GPR135: variants seen among roughly 807,000 people sequenced by gnomAD.
The protein encoded by GPR135 is G-protein coupled receptor 135.
GPR135 carries 17 observed loss-of-function variants against 15.0 expected under a neutral mutation model. The ratio of observed to expected loss-of-function variants is 1.13; its 90% CI spans 0.78 to 1.70. The LOEUF is 1.70. GPR135 is among the 40% of genes most tolerant of loss of function. GPR135 has a pLI of 0.00. For synonymous variants in GPR135, 368 were observed against 349.4 expected (o/e 1.05, Z -0.59); for missense variants, 776 against 727.0 (o/e 1.07, Z -0.78).
Position 59,464,873 on chromosome 14 carries a change from G to A in GPR135, c.354C>T (p.Ser118=). Residue 118 remains serine (S), a synonymous_variant, in exon 1 of 1, where the codon AGC becomes AGT. Coordinates refer to ENST00000395116, the MANE Select transcript of GPR135 (RefSeq NM_022571.6). ...LVLLLIFLLS[S]LGNCAVMGVI... The stretch of plus-strand genomic sequence containing the variant: ...CCCCCATCACCGCGCAGTTGCCAAG[G>A]CTAGACAGCAGGAAGATGAGCAGGA... 1.2e-6 allele frequency: 2 copies of A among 1,606,406 alleles called. No homozygotes were observed. The highest frequency in any genetic ancestry group is 1.7e-6 in the Non-Finnish European group (2 of 1,177,044).
Position 59,464,309 on chromosome 14 carries a change from C to T in GPR135, c.918G>A (p.Leu306=), listed in dbSNP as rs769764338. 1 of 1,611,626 alleles carries T rather than the reference C, an allele frequency of 6.2e-7. No homozygotes were observed. The highest frequency in any genetic ancestry group is 1.1e-5 in the South Asian group (1 of 90,964). The change falls in exon 1 of 1, where the codon CTG becomes CTA. Residue 306 remains leucine (L), a synonymous_variant. Coordinates refer to ENST00000395116, the MANE Select transcript of GPR135 (RefSeq NM_022571.6). ...CHYHICKTVR[L]SDVRVRPVNT... ...TCACCGGCCGCACGCGCACGTCCGA[C>T]AGGCGCACCGTCTTGCAGATGTGGT...
rs553482475 is a variant in GPR135, at chr14:59,464,610, G to A, written c.617C>T (p.Ser206Leu). The change falls in exon 1 of 1, where the codon TCG becomes TTG. Residue 206 changes from serine to leucine, a missense_variant. Ser to Leu is a moderately radical substitution (Grantham distance 145, BLOSUM62 -2). Transcript: ENST00000395116. ...CACGATAGCGCAGTAACGGTCCAAC[G>A]AGATGAGCGCCACGCTGAGCGTGGA... ...IVSTLSVALISLDRYCAIVRP... is the reference protein window; with the variant it reads ...IVSTLSVALILLDRYCAIVRP... 6.3e-6 allele frequency: 10 copies of A among 1,596,818 alleles called. No homozygotes were observed. Among genetic ancestry groups the A allele is most frequent in the South Asian group, 2.2e-5 (2 of 90,626 alleles).
In GPR135 at chr14:59,464,448, T is replaced by C. The variant is rs757418545; in HGVS notation, c.779A>G (p.His260Arg). ...CGGGGAGGTCCGGTAGAGGCAGCCG[T>C]GGAAGCTCTGCGCCGCCGCGAGTTC... ...PRELAAAQSF[H>R]GCLYRTSPDP... The change falls in exon 1 of 1, where the codon CAC becomes CGC. Residue 260 changes from histidine to arginine, a missense_variant. Physicochemically the swap from His to Arg is conservative, Grantham distance 29 (BLOSUM62 0). Coordinates refer to ENST00000395116, the MANE Select transcript of GPR135 (RefSeq NM_022571.6). The C allele has an allele frequency of 1.9e-6, 3 of 1,559,686 alleles. No individual in the cohort carries two copies. In the Admixed American group the frequency reaches 5.6e-5, roughly 29 times the overall value.
downstream of GPR135, chr14:59,460,303 C>CT (rs1888808482): frequency 6.6e-6 from 1 of 152,192 alleles, no homozygotes; most frequent in African/African-American, 2.4e-5. Flanking sequence ...AAAATAACTG[C>CT]TCAGAAACCC....
chr14:59,463,833 G>A lies in GPR135; in HGVS notation c.1394C>T (p.Pro465Leu). The change falls in exon 1 of 1, where the codon CCA becomes CTA. Residue 465 changes from proline to leucine, a missense_variant. Transcript: ENST00000395116. ...GDVAMWARKN[P>L]VVLFCREGPP... ...TCCCTCTCGGCAGAAAAGTACAACT[G>A]GATTTTTGCGGGCCCACATGGCCAC... 2 of 1,614,224 alleles carry A rather than the reference G, an allele frequency of 1.2e-6. No individual in the cohort carries two copies. Among genetic ancestry groups the A allele is most frequent in the Non-Finnish European group, 1.7e-6 (2 of 1,180,048 alleles).
In GPR135 at chr14:59,463,596, A is replaced by T. The variant is rs769542330; in HGVS notation, c.*146T>A. 20 of 739,796 alleles carry T rather than the reference A, an allele frequency of 2.7e-5. No individual in the cohort carries two copies. Among genetic ancestry groups the T allele is most frequent in the Non-Finnish European group, 3.8e-5 (18 of 469,440 alleles). 45.8% of individuals were successfully genotyped at this position (739,796 alleles called of 1,614,324 possible). A position where few individuals can be genotyped will look rare whatever the true frequency, so the allele number is the denominator to read the frequency against. On this transcript the variant is annotated 3_prime_UTR_variant, in exon 1 of 1. Coordinates refer to ENST00000395116, the MANE Select transcript of GPR135 (RefSeq NM_022571.6). ...TTTTGAAGAAGGGACATTGTCTTTT[A>T]TGTTGTTTGGGGAAAGTGGTAAGCC... is the stretch of plus-strand genomic sequence containing the variant.
rs779740853 is a variant in GPR135, at chr14:59,464,024, G to A, written c.1203C>T (p.Asn401=). The change falls in exon 1 of 1, where the codon AAC becomes AAT. Residue 401 remains asparagine (N), a synonymous_variant. Coordinates refer to ENST00000395116, the MANE Select transcript of GPR135 (RefSeq NM_022571.6). ...NPNISMLLGR[N]REEGYRTRNV... is the part of the protein sequence containing the mutation. ...TCCTAGTCCGGTAGCCCTCCTCGCG[G>A]TTGCGCCCTAGGAGCATCGAAATGT... is the stretch of plus-strand genomic sequence containing the variant. The A allele has an allele frequency of 6.2e-7, 1 of 1,613,890 alleles. No homozygotes were observed. The highest frequency in any genetic ancestry group is 8.5e-7 in the Non-Finnish European group (1 of 1,180,014).
Position 59,463,737 on chromosome 14 carries a change from C to T in GPR135, c.*5G>A. 1 of 1,558,078 alleles carries T rather than the reference C, an allele frequency of 6.4e-7. No homozygotes were observed. Among genetic ancestry groups the T allele is most frequent in the African/African-American group, 1.4e-5 (1 of 73,244 alleles). On this transcript the variant is annotated 3_prime_UTR_variant, in exon 1 of 1. Coordinates refer to ENST00000395116, the MANE Select transcript of GPR135 (RefSeq NM_022571.6). ...TGCCTTCATAAGCTGGCCATTCCAA[C>T]CGTCTTAGAGGCTGGTATCCCCAGC...
chr14:59,458,153 A>C (rs1888727449), downstream of GPR135, among the ~76,000 whole-genome samples: 1 of 152,214 alleles, frequency 6.6e-6, no homozygotes, highest in South Asian at 2.1e-4. Flanking sequence ...GTATGCCTAC[A>C]GTCACCCTTG....
Position 59,465,110 on chromosome 14 carries a change from C to A in GPR135, c.117G>T (p.Ala39=). The A allele has an allele frequency of 2.9e-6, 4 of 1,382,654 alleles. No homozygotes were observed. Among genetic ancestry groups the A allele is most frequent in the Non-Finnish European group, 3.7e-6 (4 of 1,067,306 alleles). 85.6% of individuals were successfully genotyped at this position (1,382,654 alleles called of 1,614,324 possible). ...PPGGTSSAAT[A]AVLSFSTVAT... ...CCACGGTGCTGAAGGAGAGCACGGC[C>A]GCCGTGGCCGCGGAGGAAGTCCCGC... The change falls in exon 1 of 1, where the codon GCG becomes GCT. Residue 39 remains alanine, a synonymous_variant. Transcript: ENST00000395116.
Position 59,463,727 on chromosome 14 carries a change from G to T in GPR135, c.*15C>A. ...AGTGGAAATTTGCCTTCATAAGCTG[G>T]CCATTCCAACCGTCTTAGAGGCTGG... On this transcript the variant is annotated 3_prime_UTR_variant, in exon 1 of 1. Transcript: ENST00000395116. 1 of 1,546,616 alleles carries T rather than the reference G, an allele frequency of 6.5e-7. No individual in the cohort carries two copies. The highest frequency in any genetic ancestry group is 8.7e-7 in the Non-Finnish European group (1 of 1,145,006).
In GPR135 at chr14:59,464,912, G is replaced by A; in HGVS notation, c.315C>T (p.Ala105=). The A allele has an allele frequency of 6.2e-7, 1 of 1,600,962 alleles. No individual in the cohort carries two copies. Among genetic ancestry groups the A allele is most frequent in the Non-Finnish European group, 8.5e-7 (1 of 1,175,008 alleles). Reference sequence around the variant, plus strand: ...AGATGAGCAGGAGGACGAGCGCCTGGGCCGCCACTGCAGCTCCGTGCGACA... The same window carrying A: ...AGATGAGCAGGAGGACGAGCGCCTGAGCCGCCACTGCAGCTCCGTGCGACA... The part of the protein sequence containing the change: ...PLLSHGAAVA[A]QALVLLLIFL... Residue 105 remains alanine, a synonymous_variant, in exon 1 of 1, where the codon GCC becomes GCT. Transcript: ENST00000395116.
chr14:59,464,251 C>A lies in GPR135; in HGVS notation c.976G>T (p.Glu326Ter). Reference protein sequence around the residue: ...TYARVLRFFSEVRTATTVLIM... With the variant: ...TYARVLRFFS Reference sequence around the variant, plus strand: ...AGGACGGTGGTGGCCGTGCGCACCTCGCTGAAGAAGCGCAGCACGCGCGCG... The same window carrying A: ...AGGACGGTGGTGGCCGTGCGCACCTAGCTGAAGAAGCGCAGCACGCGCGCG... Residue 326 changes from glutamate (E) to a stop codon, truncating the protein, a stop_gained, in exon 1 of 1, where the codon GAG becomes TAG. Transcript: ENST00000395116. LOFTEE classifies it high-confidence loss of function. 4 of 1,611,964 alleles carry A rather than the reference C, an allele frequency of 2.5e-6. No individual in the cohort carries two copies. Among genetic ancestry groups the A allele is most frequent in the Non-Finnish European group, 3.4e-6 (4 of 1,179,904 alleles).
At chr14:59,453,479 T>C (rs368758795) in intron 6 of GPR135, among the ~76,000 whole-genome samples, 4 of 152,248 alleles carry the variant, frequency 2.6e-5, no homozygotes, top group African/African-American at 7.2e-5. Context: ...TTCTTCCTTA[T>C]AGCTACTGTT....
At position 59,465,151 on chromosome 14, in the gene GPR135, C is replaced by A; in HGVS notation, c.76G>T (p.Ala26Ser). Residue 26 changes from alanine to serine, a missense_variant, in exon 1 of 1, where the codon GCG (alanine) becomes TCG (serine). Coordinates refer to ENST00000395116, the MANE Select transcript of GPR135 (RefSeq NM_022571.6). ...GAAGTCCCGCCAGGTGGGCCGGCCG[C>A]GGAGGGGGCGCCGGAGTGCTGGCTG... Reference protein sequence around the residue: ...LGSQHSGAPSAAGPPGGTSSA... With the variant: ...LGSQHSGAPSSAGPPGGTSSA... 7.4e-7 allele frequency: 1 copy of A among 1,343,892 alleles called. No individual in the cohort carries two copies. Among genetic ancestry groups the A allele is most frequent in the South Asian group, 2.0e-5 (1 of 50,212 alleles). The allele number at this position is 1,343,892 out of a possible 1,614,324, so 83.2% of individuals were successfully genotyped here.
rs1216720498 is a variant in GPR135 at position 59,462,870 on chromosome 14, C to T, written c.*872G>A. The T allele has an allele frequency of 6.6e-6, 1 of 151,980 alleles. No homozygotes were observed. The highest frequency in any genetic ancestry group is 1.5e-5 in the Non-Finnish European group (1 of 67,996). The allele number at this position is 151,980 out of a possible 1,614,324, so 9.4% of individuals were successfully genotyped here. The stretch of plus-strand genomic sequence containing the variant: ...GGCTATATCCAAAAATCAAATTTAC[C>T]TCAAAAGACAAAAATTTTCTACAAT... On this transcript the variant is annotated 3_prime_UTR_variant, in exon 1 of 1. Coordinates refer to ENST00000395116, the MANE Select transcript of GPR135 (RefSeq NM_022571.6).
Position 59,463,929 on chromosome 14 carries a change from C to G in GPR135, c.1298G>C (p.Arg433Pro), listed in dbSNP as rs751982630. Reference protein sequence around the residue: ...QARSRSRLRNRYANRLGACNR... With the variant: ...QARSRSRLRNPYANRLGACNR... Reference sequence around the variant, plus strand: ...GCAGGCCCCCAGCCGGTTGGCATAGCGGTTTCGAAGGCGACTGCGGCTTCT... The same window carrying G: ...GCAGGCCCCCAGCCGGTTGGCATAGGGGTTTCGAAGGCGACTGCGGCTTCT... Residue 433 changes from arginine (R) to proline (P), a missense_variant, in exon 1 of 1, where the codon CGC (arginine) becomes CCC (proline). By Grantham distance (103) the Arg-to-Pro change is moderately radical (BLOSUM62 -2). Transcript: ENST00000395116. The G allele has an allele frequency of 3.1e-6, 5 of 1,613,966 alleles. No individual in the cohort carries two copies. The South Asian group carries it at 4.4e-5, about 14-fold the overall frequency.
rs570954198 is a variant in GPR135, at chr14:59,464,022, C to T, written c.1205G>A (p.Arg402His). 2.0e-5 allele frequency: 33 copies of T among 1,613,902 alleles called. No homozygotes were observed. In the South Asian group the frequency reaches 3.5e-4, roughly 17 times the overall value. ...PNISMLLGRN[R>H]EEGYRTRNVD... ...ATTCCTAGTCCGGTAGCCCTCCTCG[C>T]GGTTGCGCCCTAGGAGCATCGAAAT... The change falls in exon 1 of 1, where the codon CGC becomes CAC. Residue 402 changes from arginine (R) to histidine (H), a missense_variant. Coordinates refer to ENST00000395116, the MANE Select transcript of GPR135 (RefSeq NM_022571.6).
At position 59,454,505 on chromosome 14, in the gene GPR135, A is replaced by T. The variant is rs185058548; in HGVS notation, c.*874+1179T>A. Among the ~76,000 whole-genome samples the T allele has an allele frequency of 4.0e-4, 61 of 152,322 alleles. No individual in the cohort carries two copies. The East Asian group carries it at 0.011, about 27-fold the overall frequency. ...GAGCCAGATAAAAATGGAATGAGAA[A>T]GGAATCTGAGTTGAAATAAAGACAA... On this transcript the variant is annotated intron_variant and NMD_transcript_variant, in intron 6 of 6. Coordinates refer to the GPR135 transcript ENST00000481661.
Sources: gnomAD v4.1 joint callset for allele counts (sites outside exome capture counted in the v4.1 genomes callset) on GRCh38, gnomAD v4.1.1 for gene constraint, MANE v1.5 for transcripts, NCBI Gene and HGNC (gene_info 2026-07-23, HGNC 2026-07-21) for gene names.